HDAC9: variants seen among roughly 807,000 people sequenced by gnomAD.
HDAC9 encodes the protein histone deacetylase 9.
HDAC9 carries 41 observed loss-of-function variants against 139.4 expected under a neutral mutation model. The ratio of observed to expected loss-of-function variants is 0.29; its 90% CI spans 0.23 to 0.38. The LOEUF (loss-of-function observed/expected upper bound fraction) is 0.38. Ranked by LOEUF, HDAC9 falls within the 10% of genes least tolerant of loss-of-function variation. The pLI is 1.00. For missense variants in HDAC9, 1,147 were observed against 1,297.0 expected, an observed-to-expected ratio of 0.88 and a Z score of 1.78; for synonymous variants, 517 against 476.2, an observed-to-expected ratio of 1.09 and a Z score of -1.12.
intron 1 of HDAC9, among the ~76,000 whole-genome samples, chr7:18,157,245 CA>C (rs369887339): frequency 2.5e-4 from 38 of 152,180 alleles, no homozygotes; most frequent in African/African-American, 9.2e-4. Flanking sequence ...AGTGCTTATA[CA>C]GGTGTTCATT....
At chr7:18,845,300 G>A (rs1431269426) in intron 21 of HDAC9, among the ~76,000 whole-genome samples, 1 of 152,090 alleles carries the variant, frequency 6.6e-6, no homozygotes, top group East Asian at 1.9e-4. Flanking sequence ...AGGGGAGAGA[G>A]AGGGTGAGTC....
At chr7:18,626,282 A>G (rs559485487) in intron 6 of HDAC9, among the ~76,000 whole-genome samples, 1 of 152,226 alleles carries the variant, frequency 6.6e-6, no homozygotes, top group South Asian at 2.1e-4. Context: ...AGAGTGTAGG[A>G]CAGCCTGGCC....
chr7:18,857,858 C>T (rs1797806195), intron 21 of HDAC9, among the ~76,000 whole-genome samples: 1 of 151,986 alleles, frequency 6.6e-6, no homozygotes, highest in Admixed American at 6.6e-5. Flanking sequence ...GTGACATTCC[C>T]ATTTTCAATG....
intron 6 of HDAC9, among the ~76,000 whole-genome samples, chr7:18,605,131 C>G (rs1835099125): frequency 6.6e-6 from 1 of 151,888 alleles, no homozygotes; most frequent in African/African-American, 2.4e-5. Context: ...GATTTTTTTC[C>G]TTCTCCTATT....
intron 2 of HDAC9, among the ~76,000 whole-genome samples, chr7:18,550,999 G>T (rs1816941106): frequency 6.6e-6 from 1 of 152,210 alleles, no homozygotes; most frequent in South Asian, 2.1e-4. Flanking sequence ...AAGGTAGAGA[G>T]AATTATTATT....
chr7:18,486,122 A>G (rs976236477), intron 1 of HDAC9, among the ~76,000 whole-genome samples: 2 of 152,108 alleles, frequency 1.3e-5, no homozygotes, highest in South Asian at 2.1e-4. Flanking sequence ...CTTTTATAAC[A>G]AACCCATTTA....
At chr7:18,645,033 C>G (rs532053098) in intron 9 of HDAC9, among the ~76,000 whole-genome samples, 6 of 152,072 alleles carry the variant, frequency 3.9e-5, no homozygotes, top group Non-Finnish European at 8.8e-5. Context: ...TGGTTTATAG[C>G]TTTTAAAAAA....
intron 2 of HDAC9, among the ~76,000 whole-genome samples, chr7:18,524,893 CACACACACAT>C (rs1395308859): frequency 6.6e-6 from 1 of 151,148 alleles, no homozygotes; most frequent in African/African-American, 2.4e-5. Flanking sequence ...CACACACACA[CACACACACAT>C]TACAGATAAG....
intron 13 of HDAC9, among the ~76,000 whole-genome samples, chr7:18,744,693 T>C (rs1369241078): frequency 6.6e-6 from 1 of 152,120 alleles, no homozygotes; most frequent in Non-Finnish European, 1.5e-5. Context: ...AAATAGATTA[T>C]ATGGCTAAAA....
At chr7:18,293,142 T>G (rs1422757968) in intron 1 of HDAC9, among the ~76,000 whole-genome samples, 2 of 152,148 alleles carry the variant, frequency 1.3e-5, no homozygotes, top group Non-Finnish European at 2.9e-5. Context: ...TACAGTACTT[T>G]TGTCATCTTG....
chr7:18,607,145 A>C (rs1835744404), intron 6 of HDAC9, among the ~76,000 whole-genome samples: 1 of 152,202 alleles, frequency 6.6e-6, no homozygotes. Flanking sequence ...ACAGTTCAGT[A>C]AGTGAGAAGC....
intron 2 of HDAC9, among the ~76,000 whole-genome samples, chr7:18,262,275 A>G (rs965926296): frequency 7.9e-5 from 12 of 152,218 alleles, no homozygotes; most frequent in African/African-American, 2.7e-4. Context: ...AAGAGTCTCA[A>G]TAAGGCTGAC....
upstream of HDAC9, among the ~76,000 whole-genome samples, chr7:18,289,242 A>G (rs1460805240): frequency 6.6e-6 from 1 of 152,116 alleles, no homozygotes; most frequent in African/African-American, 2.4e-5. Context: ...CATTGCTTGT[A>G]TTTCCCTTCA....
rs1424880859 is a variant in HDAC9 at position 18,495,853 on chromosome 7, A to G, written c.-212A>G. On this transcript the variant is annotated 5_prime_UTR_variant, in exon 1 of 26. Coordinates refer to ENST00000686413, the MANE Select transcript of HDAC9 (RefSeq NM_178425.4). ...CTAGCAGCCTGAAGAACTCTAAGCC[A>G]GGTTTAATTGGTTTCTTTTTCTCGT... 7 of 1,063,030 alleles carry G rather than the reference A, an allele frequency of 6.6e-6. No individual in the cohort carries two copies. The highest frequency in any genetic ancestry group is 6.8e-6 in the Non-Finnish European group (6 of 881,116). The allele number at this position is 1,063,030 out of a possible 1,614,324, so 65.8% of individuals were successfully genotyped here.
intron 6 of HDAC9, among the ~76,000 whole-genome samples, chr7:18,610,124 C>A (rs1836704954): frequency 1.3e-5 from 2 of 152,090 alleles, no homozygotes; most frequent in African/African-American, 4.8e-5. Flanking sequence ...CGGCACTATT[C>A]ACAATAGCAA....
chr7:18,953,511 A>C lies in HDAC9; in HGVS notation c.2938-635A>C, dbSNP rs113813636. 5.7e-3 allele frequency among the ~76,000 whole-genome samples: 869 copies of C among 152,256 alleles called. 7 individuals carry two copies. Among genetic ancestry groups the C allele is most frequent in the Non-Finnish European group, 0.01 (687 of 68,010 alleles). Reference sequence around the variant, plus strand: ...TAGTGTAATTCCAGAAGATTATGATAGATTTGCAAGGTAGGAGTTTGGCCT... The same window carrying C: ...TAGTGTAATTCCAGAAGATTATGATCGATTTGCAAGGTAGGAGTTTGGCCT... On this transcript the variant is annotated intron_variant, in intron 23 of 25. Transcript: ENST00000686413.
At chr7:18,218,909 A>T (rs1305330994) in intron 2 of HDAC9, among the ~76,000 whole-genome samples, 2 of 152,154 alleles carry the variant, frequency 1.3e-5, no homozygotes, top group Non-Finnish European at 1.5e-5. Context: ...TTTACCTAAA[A>T]TAGATTCCTA....
intron 1 of HDAC9, among the ~76,000 whole-genome samples, chr7:18,125,756 AGTTGGCC>A (rs1173983642): frequency 6.6e-6 from 1 of 152,182 alleles, no homozygotes; most frequent in Non-Finnish European, 1.5e-5. Flanking sequence ...TAGCTAAGCA[AGTTGGCC>A]GTGTTCCATT....
chr7:18,519,824 T>C (rs1804442845), intron 2 of HDAC9, among the ~76,000 whole-genome samples: 1 of 152,116 alleles, frequency 6.6e-6, no homozygotes, highest in Non-Finnish European at 1.5e-5. Flanking sequence ...TTTATAATAA[T>C]GGAAAACTGA....
Sources: allele counts gnomAD v4.1 joint callset (sites outside exome capture counted in the v4.1 genomes callset), GRCh38; gene constraint gnomAD v4.1.1; transcripts MANE v1.5; gene names NCBI Gene and HGNC (gene_info 2026-07-23, HGNC 2026-07-21).